Variants in ZNF385B observed in about 807,000 individuals in gnomAD.
ZNF385B encodes the protein zinc finger protein 385B.
Under a neutral mutation model 39.2 loss-of-function variants are expected in ZNF385B, and 23 were observed. The observed-to-expected ratio is 0.59, with a 90% CI of 0.42 to 0.83. The LOEUF (loss-of-function observed/expected upper bound fraction) is 0.83. ZNF385B is among the 40% of genes least tolerant of loss of function. The pLI, the probability that ZNF385B is intolerant of heterozygous loss-of-function variation, is 0.00. For synonymous variants in ZNF385B, 205 were observed against 222.6 expected, an observed-to-expected ratio of 0.92 and a Z score of 0.70; for missense variants, 552 against 598.9, an observed-to-expected ratio of 0.92 and a Z score of 0.82.
intron 3 of ZNF385B, among the ~76,000 whole-genome samples, chr2:179,652,742 AT>A (rs886493159): frequency 5.3e-5 from 8 of 151,848 alleles, no homozygotes; most frequent in African/African-American, 1.9e-4. Context: ...ATCAGAAGTA[AT>A]TTTTTGAATG....
intron 4 of ZNF385B, among the ~76,000 whole-genome samples, chr2:179,541,899 G>A (rs558374592): frequency 3.3e-5 from 5 of 152,258 alleles, no homozygotes; most frequent in African/African-American, 9.6e-5. Context: ...TAAAGAGCCC[G>A]AATATGAATT....
intron 5 of ZNF385B, among the ~76,000 whole-genome samples, chr2:179,502,674 A>G (rs2056872073): frequency 6.6e-6 from 1 of 152,148 alleles, no homozygotes; most frequent in Non-Finnish European, 1.5e-5. Context: ...TTTTCTTCAT[A>G]AATTTCCCAG....
intron 1 of ZNF385B, among the ~76,000 whole-genome samples, chr2:179,783,722 A>G (rs1704815333): frequency 6.6e-6 from 1 of 152,214 alleles, no homozygotes; most frequent in Non-Finnish European, 1.5e-5. Context: ...AAGCATATGA[A>G]AAAAAGCTCA....
intron 3 of ZNF385B, among the ~76,000 whole-genome samples, chr2:179,688,473 C>T (rs950729859): frequency 6.8e-6 from 1 of 146,838 alleles, no homozygotes; most frequent in Non-Finnish European, 1.5e-5. Flanking sequence ...CCCACAACCC[C>T]ACCCTGTCCC....
intron 3 of ZNF385B, among the ~76,000 whole-genome samples, chr2:179,763,319 T>C (rs1291281123): frequency 6.6e-6 from 1 of 152,230 alleles, no homozygotes; most frequent in Non-Finnish European, 1.5e-5. Flanking sequence ...TTGCTTATTA[T>C]ATTTTTAATT....
intron 1 of ZNF385B, among the ~76,000 whole-genome samples, chr2:179,782,061 T>C (rs1704698651): frequency 6.6e-6 from 1 of 152,108 alleles, no homozygotes. Flanking sequence ...ATATCCTTGG[T>C]GAACATTGAT....
chr2:179,546,210 AT>A lies in ZNF385B; in HGVS notation c.299-1242del, dbSNP rs1553604490. ...GCCACCACACCTGGCTAATTTTTGTATTTTTTGTAGAGATGGGGTTTTTGCC... is the reference window on the plus strand; with the variant it reads ...GCCACCACACCTGGCTAATTTTTGTATTTTTGTAGAGATGGGGTTTTTGCC... On this transcript the variant is annotated intron_variant, in intron 3 of 9. Transcript: ENST00000410066. 3.3e-5 allele frequency among the ~76,000 whole-genome samples: 5 copies of A among 151,728 alleles called. No individual in the cohort carries two copies. In the East Asian group the frequency reaches 5.8e-4, roughly 18 times the overall value.
At chr2:179,680,785 T>A (rs560973045) in intron 3 of ZNF385B, among the ~76,000 whole-genome samples, 1 of 152,216 alleles carries the variant, frequency 6.6e-6, no homozygotes, top group East Asian at 1.9e-4. Context: ...CCCTAATTAT[T>A]AAAAGTAGTA....
chr2:179,821,836 A>G (rs552374614), intron 1 of ZNF385B, among the ~76,000 whole-genome samples: 1 of 152,240 alleles, frequency 6.6e-6, no homozygotes, highest in Admixed American at 6.5e-5. Flanking sequence ...ATGAAATGGT[A>G]CAGTTCATAA....
At chr2:179,566,977 C>T (rs545901905) in intron 3 of ZNF385B, among the ~76,000 whole-genome samples, 2 of 144,410 alleles carry the variant, frequency 1.4e-5, no homozygotes, top group South Asian at 2.2e-4. Flanking sequence ...TGCAGTGGTG[C>T]GATCTCGGCT....
intron 3 of ZNF385B, among the ~76,000 whole-genome samples, chr2:179,725,244 G>A (rs1053320672): frequency 1.5e-4 from 23 of 151,924 alleles, no homozygotes; most frequent in South Asian, 1.0e-3. Context: ...AAACACCTAC[G>A]TATTCAGAAA....
intron 5 of ZNF385B, among the ~76,000 whole-genome samples, chr2:179,510,634 C>A (rs981211108): frequency 1.3e-5 from 2 of 151,912 alleles, no homozygotes; most frequent in South Asian, 2.1e-4. Context: ...AAGTAAAATA[C>A]CTCTGATTTA....
intron 6 of ZNF385B, among the ~76,000 whole-genome samples, chr2:179,468,085 C>A (rs1156362899): frequency 1.3e-5 from 2 of 152,208 alleles, no homozygotes; most frequent in African/African-American, 2.4e-5. Flanking sequence ...CATCATATGA[C>A]AACTACCCTG....
At chr2:179,450,006 A>T (rs1367352099) in intron 6 of ZNF385B, among the ~76,000 whole-genome samples, 1 of 152,122 alleles carries the variant, frequency 6.6e-6, no homozygotes, top group Admixed American at 6.6e-5. Flanking sequence ...TGGGGAAATG[A>T]TTCCCTATTT....
intron 1 of ZNF385B, among the ~76,000 whole-genome samples, chr2:179,797,132 T>C (rs941896277): frequency 1.3e-5 from 2 of 152,170 alleles, no homozygotes; most frequent in African/African-American, 4.8e-5. Context: ...CTTTTCTCCA[T>C]AATACAACCT....
intron 3 of ZNF385B, among the ~76,000 whole-genome samples, chr2:179,766,254 C>T (rs1703687207): frequency 6.6e-6 from 1 of 152,104 alleles, no homozygotes; most frequent in Admixed American, 6.5e-5. Context: ...TCGATGCCAA[C>T]TCCAACACTA....
At chr2:179,715,840 A>G (rs1270212088) in intron 3 of ZNF385B, among the ~76,000 whole-genome samples, 10 of 152,156 alleles carry the variant, frequency 6.6e-5, no homozygotes, top group Admixed American at 6.5e-4. Flanking sequence ...TCATAAAGTA[A>G]TGATAAATAC....
At chr2:179,562,351 TA>T in intron 3 of ZNF385B, 1 of 970,310 alleles carries the variant, frequency 1.0e-6, no homozygotes, top group Non-Finnish European at 1.2e-6. Context: ...ACATATTTCA[TA>T]AGAAAGTTCC....
chr2:179,647,849 G>C (rs1204084553), intron 3 of ZNF385B, among the ~76,000 whole-genome samples: 1 of 152,104 alleles, frequency 6.6e-6, no homozygotes, highest in Non-Finnish European at 1.5e-5. Context: ...AATACTGGCA[G>C]ACAATGATCT....
Sources: allele counts gnomAD v4.1 joint callset (sites outside exome capture counted in the v4.1 genomes callset), GRCh38; gene constraint gnomAD v4.1.1; transcripts MANE v1.5; gene names NCBI Gene and HGNC (gene_info 2026-07-23, HGNC 2026-07-21).